The following RGS7 variants were observed in gnomAD, a reference collection of about 807,000 sequenced individuals.
RGS7 encodes the protein regulator of G protein signaling 7.
In RGS7, 27 loss-of-function variants were observed where a neutral mutation model predicts 81.1. The ratio of observed to expected loss-of-function variants is 0.33; its 90% CI spans 0.25 to 0.46. The LOEUF (loss-of-function observed/expected upper bound fraction) is 0.46, where lower values mean the gene tolerates loss of function less well. Ranked by LOEUF, RGS7 falls within the 20% of genes least tolerant of loss-of-function variation. The probability of loss-of-function intolerance (pLI) is 1.00; values close to 1 mark genes in which losing one functional copy is unlikely to be tolerated. For missense variants in RGS7, 396 were observed against 607.4 expected (o/e 0.65, Z 3.66); for synonymous variants, 208 against 207.7 (o/e 1.00, Z -0.01).
chr1:241,283,647 C>A (rs2078642451), intron 2 of RGS7, among the ~76,000 whole-genome samples: 1 of 152,108 alleles, frequency 6.6e-6, no homozygotes, highest in Admixed American at 6.5e-5. Flanking sequence ...CTTCTTGAAT[C>A]TGTAGGTTTA....
intron 2 of RGS7, among the ~76,000 whole-genome samples, chr1:241,315,936 T>C (rs945379976): frequency 1.3e-5 from 2 of 152,258 alleles, no homozygotes; most frequent in African/African-American, 4.8e-5. Context: ...AAATGCTTTC[T>C]CTGTATCTTT....
intron 2 of RGS7, among the ~76,000 whole-genome samples, chr1:241,145,823 T>C (rs2068273541): frequency 6.6e-6 from 1 of 152,216 alleles, no homozygotes; most frequent in Non-Finnish European, 1.5e-5. Context: ...ACTCCCAGTT[T>C]AATGAACAGT....
At chr1:241,279,301 A>G (rs2078374682) in intron 2 of RGS7, among the ~76,000 whole-genome samples, 1 of 152,208 alleles carries the variant, frequency 6.6e-6, no homozygotes, top group Admixed American at 6.5e-5. Context: ...GTTACAGTGA[A>G]GAATGGGTTC....
intron 14 of RGS7, among the ~76,000 whole-genome samples, chr1:240,809,920 T>C (rs1689555164): frequency 6.6e-6 from 1 of 152,170 alleles, no homozygotes; most frequent in Non-Finnish European, 1.5e-5. Context: ...TTCTTAGATA[T>C]AATCACTTAG....
At chr1:240,858,498 TC>T (rs1022376862) in intron 9 of RGS7, among the ~76,000 whole-genome samples, 1 of 152,230 alleles carries the variant, frequency 6.6e-6, no homozygotes, top group Admixed American at 6.5e-5. Context: ...ATGTTGAGCA[TC>T]TTTTTGCCCT....
chr1:241,152,499 C>T (rs903097367), intron 2 of RGS7, among the ~76,000 whole-genome samples: 2 of 152,198 alleles, frequency 1.3e-5, no homozygotes, highest in Non-Finnish European at 2.9e-5. Context: ...GAATGCAACT[C>T]ATTCCTGAAG....
intron 9 of RGS7, among the ~76,000 whole-genome samples, chr1:240,866,657 C>A (rs1003602586): frequency 2.0e-5 from 3 of 152,138 alleles, no homozygotes; most frequent in African/African-American, 7.2e-5. Flanking sequence ...CTCATATGTG[C>A]TCCTTGCTGG....
intron 3 of RGS7, among the ~76,000 whole-genome samples, chr1:241,083,700 CTCTT>C (rs1403564150): frequency 6.6e-6 from 1 of 152,040 alleles, no homozygotes; most frequent in African/African-American, 2.4e-5. Context: ...TTTTAGTATA[CTCTT>C]TCTTTCTTAT....
intron 18 of RGS7, among the ~76,000 whole-genome samples, chr1:240,777,541 C>T (rs1683182761): frequency 6.6e-6 from 1 of 152,140 alleles, no homozygotes; most frequent in Non-Finnish European, 1.5e-5. Context: ...ATGGGAGATA[C>T]ATCATCACTC....
chr1:241,206,060 C>T (rs2073861435), intron 2 of RGS7, among the ~76,000 whole-genome samples: 2 of 151,768 alleles, frequency 1.3e-5, no homozygotes, highest in South Asian at 4.2e-4. Context: ...GTTGACTCAG[C>T]CCCCAAAACA....
intron 2 of RGS7, among the ~76,000 whole-genome samples, chr1:241,320,518 T>G (rs546648780): frequency 6.1e-4 from 93 of 152,238 alleles, no homozygotes; most frequent in Non-Finnish European, 1.1e-3. Flanking sequence ...CTCACTTAAG[T>G]GACTGGCTGT....
At chr1:241,215,842 G>T (rs188091004) in intron 2 of RGS7, among the ~76,000 whole-genome samples, 5 of 152,264 alleles carry the variant, frequency 3.3e-5, no homozygotes, top group African/African-American at 1.2e-4. Context: ...GCTATCAGTA[G>T]AAGGCTTAAT....
intron 2 of RGS7, among the ~76,000 whole-genome samples, chr1:241,233,733 A>G (rs2148076655): frequency 6.6e-6 from 1 of 151,370 alleles, no homozygotes; most frequent in African/African-American, 2.4e-5. Flanking sequence ...TACTGATGTC[A>G]TTTCTTTTGG....
chr1:241,130,211 G>C (rs7556401), intron 2 of RGS7, among the ~76,000 whole-genome samples: 17,806 of 151,970 alleles, frequency 0.12, 3,443 homozygotes, highest in African/African-American at 0.4. Flanking sequence ...AATTTTTCTA[G>C]CCCAGCAAGA....
chr1:240,789,285 C>G (rs933972025), intron 18 of RGS7, among the ~76,000 whole-genome samples: 8 of 152,216 alleles, frequency 5.3e-5, no homozygotes, highest in Admixed American at 2.0e-4. Context: ...GGATGTATGT[C>G]GCCTCAGGAC....
At chr1:241,355,953 A>G (rs961299829) in intron 1 of RGS7, 127 bp from the exon 2 acceptor site, 6 of 656,076 alleles carry the variant, frequency 9.1e-6, no homozygotes, top group Non-Finnish European at 1.7e-5. Context: ...AAAGTGACAC[A>G]GGACATGGAT....
chr1:241,237,201 A>C lies in RGS7; in HGVS notation c.78+118498T>G, dbSNP rs184759676. 5.0e-4 allele frequency among the ~76,000 whole-genome samples: 76 copies of C among 152,378 alleles called. 2 individuals carry two copies. The highest frequency in any genetic ancestry group is 3.8e-3 in the Admixed American group (58 of 15,306). On this transcript the variant is annotated intron_variant, in intron 2 of 18. Transcript: ENST00000440928. ...TATTACTAAAACATGTAAGAATTAC[A>C]CGTGACTTCTGGAACACAAAATTCT...
chr1:240,780,024 TAA>T (rs1319723854), intron 18 of RGS7, among the ~76,000 whole-genome samples: 3 of 152,184 alleles, frequency 2.0e-5, no homozygotes, highest in African/African-American at 7.2e-5. Flanking sequence ...GATGTTGAAA[TAA>T]AAAAGATTCA....
intron 2 of RGS7, among the ~76,000 whole-genome samples, chr1:241,273,369 T>G (rs2078028592): frequency 6.6e-6 from 1 of 152,124 alleles, no homozygotes; most frequent in African/African-American, 2.4e-5. Flanking sequence ...AAAATATTGT[T>G]CTCCTTAACA....
Sources: gnomAD v4.1 joint callset for allele counts (sites outside exome capture counted in the v4.1 genomes callset) on GRCh38, gnomAD v4.1.1 for gene constraint, MANE v1.5 for transcripts, NCBI Gene and HGNC (gene_info 2026-07-23, HGNC 2026-07-21) for gene names.